The following PDE2A variants were observed in gnomAD, a reference collection of about 807,000 sequenced individuals.
The protein encoded by PDE2A is phosphodiesterase 2A.
A neutral mutation model predicts 133.6 loss-of-function variants in PDE2A; 53 were observed. The ratio of observed to expected loss-of-function variants is 0.40; its 90% CI spans 0.32 to 0.50. The LOEUF (loss-of-function observed/expected upper bound fraction) is 0.50, where lower values mean the gene tolerates loss of function less well. Among genes scored for constraint, PDE2A ranks in the 20% least tolerant of loss-of-function variants. The pLI is 0.73. For missense variants in PDE2A, 796 were observed against 1,232.4 expected (o/e 0.65, Z 5.30); for synonymous variants, 491 against 490.2 (o/e 1.00, Z -0.02).
Position 72,586,134 on chromosome 11 carries a change from G to C in PDE2A, c.1118C>G (p.Thr373Ser), listed in dbSNP as rs1046028417. 6.2e-7 allele frequency: 1 copy of C among 1,613,280 alleles called. No homozygotes were observed. Among genetic ancestry groups the C allele is most frequent in the Non-Finnish European group, 8.5e-7 (1 of 1,179,616 alleles). The stretch of plus-strand genomic sequence containing the variant: ...CAGGGTGCTGGTGAGCACGGTGCTG[G>C]TGTAGTGGAAGCAGTGCTGGATCAC... ...EHVIQHCFHY[T>S]STVLTSTLAF... The change falls in exon 14 of 31, where the codon ACC becomes AGC. Residue 373 changes from threonine (T) to serine (S), a missense_variant. Thr to Ser is a moderately conservative substitution (Grantham distance 58). Around this residue, in one of 7 missense-constraint regions of PDE2A, gnomAD observed 31 missense variants for 70.2 expected, o/e 0.44. Coordinates refer to ENST00000334456, the MANE Select transcript of PDE2A (RefSeq NM_002599.5).
Position 72,590,420 on chromosome 11 carries a change from C to A in PDE2A, c.703+7G>T, listed in dbSNP as rs1439413099. On this transcript the variant is annotated splice_region_variant and intron_variant, in intron 8 of 30. Transcript: ENST00000334456. The surrounding 1 kb of genome is among the most constrained non-coding windows in gnomAD (Gnocchi z 4.8). ...GCCCTCGTGACCTGTCCAGGCCGGG[C>A]CCTCACCGCACAGTTGGAGGATCTT... 1.3e-6 allele frequency: 2 copies of A among 1,573,094 alleles called. No homozygotes were observed. The highest frequency in any genetic ancestry group is 1.7e-6 in the Non-Finnish European group (2 of 1,160,382).
chr11:72,598,269 C>T (rs915747369), intron 4 of PDE2A, among the ~76,000 whole-genome samples: 10 of 152,300 alleles, frequency 6.6e-5, no homozygotes, highest in Admixed American at 6.5e-4. Context: ...AGGATTTGAA[C>T]CCAGGTAGGT....
intron 25 of PDE2A, among the ~76,000 whole-genome samples, chr11:72,580,148 A>G (rs1485683513): frequency 6.6e-6 from 1 of 152,140 alleles, no homozygotes; most frequent in African/African-American, 2.4e-5. Context: ...TGTTGTGGGA[A>G]GTAGCATGAG....
rs1855882720 is a variant in PDE2A, at chr11:72,584,709, G to A, written c.1379C>T (p.Pro460Leu). The A allele has an allele frequency of 6.2e-7, 1 of 1,613,346 alleles. No individual in the cohort carries two copies. Among genetic ancestry groups the A allele is most frequent in the Non-Finnish European group, 8.5e-7 (1 of 1,180,008 alleles). Residue 460 changes from proline to leucine, a missense_variant, in exon 18 of 31, where the codon CCG becomes CTG. Physicochemically the swap from Pro to Leu is moderately conservative, Grantham distance 98. Around this residue, in one of 7 missense-constraint regions of PDE2A, gnomAD observed 218 missense variants for 465.9 expected, o/e 0.47. Transcript: ENST00000334456. ...VDDESYEIRI[P>L]ADQGIAGHVA... ...GTGTCCCGCGATGCCCTGATCGGCCGGGATGCGGATCTCATAGCTCTGCCG... is the reference window on the plus strand; with the variant it reads ...GTGTCCCGCGATGCCCTGATCGGCCAGGATGCGGATCTCATAGCTCTGCCG...
chr11:72,608,620 TG>T, intron 3 of PDE2A, 41 bp downstream of exon 3: 1 of 837,200 alleles, frequency 1.2e-6, no homozygotes, highest in South Asian at 1.4e-5. Context: ...TCAAAGGATT[TG>T]GGGGTGGGGT....
chr11:72,617,193 C>T (rs1284141646), intron 2 of PDE2A, among the ~76,000 whole-genome samples: 1 of 152,218 alleles, frequency 6.6e-6, no homozygotes, highest in African/African-American at 2.4e-5. Flanking sequence ...GACTGGGTCT[C>T]TTATGTCCTC....
At chr11:72,652,478 A>G (rs1160644419) in intron 1 of PDE2A, 2 of 454,728 alleles carry the variant, frequency 4.4e-6, no homozygotes, top group Admixed American at 4.7e-5. Context: ...ATACTCCAGC[A>G]TATGTGAGGT....
rs1473802732 is a variant in PDE2A, at chr11:72,577,337, G to A, written c.*47C>T. ...CCCAGTGCATCTGGCCAGACCAGTGGAGGGCTGTGGGAGGTGGCCTGGGCA... is the reference window on the plus strand; with the variant it reads ...CCCAGTGCATCTGGCCAGACCAGTGAAGGGCTGTGGGAGGTGGCCTGGGCA... On this transcript the variant is annotated 3_prime_UTR_variant, in exon 31 of 31. Transcript: ENST00000334456. 3.4e-6 allele frequency: 5 copies of A among 1,451,680 alleles called. No homozygotes were observed. Among genetic ancestry groups the A allele is most frequent in the Non-Finnish European group, 4.8e-6 (5 of 1,044,506 alleles). The allele number at this position is 1,451,680 out of a possible 1,614,324, so 89.9% of individuals were successfully genotyped here. A position where few individuals can be genotyped will look rare whatever the true frequency, so the allele number is the denominator to read the frequency against.
intron 1 of PDE2A, chr11:72,659,259 T>C (rs1226733825): frequency 6.7e-6 from 1 of 149,268 alleles, no homozygotes; most frequent in African/African-American, 2.5e-5. Flanking sequence ...TACAATCTAG[T>C]GTTGCCGTCC....
At chr11:72,649,299 C>T (rs1454419439) in intron 1 of PDE2A, 1 of 152,284 alleles carries the variant, frequency 6.6e-6, no homozygotes, top group Non-Finnish European at 1.5e-5. Flanking sequence ...AAGACATCTA[C>T]AGACTACAGG....
chr11:72,642,670 C>G, intron 1 of PDE2A, among the ~76,000 whole-genome samples: 1 of 152,052 alleles, frequency 6.6e-6, no homozygotes, highest in South Asian at 2.1e-4. Context: ...CTCGCTGCCC[C>G]TCGCCCCGTC....
chr11:72,632,050 T>G (rs1483965412), intron 2 of PDE2A, among the ~76,000 whole-genome samples: 1 of 152,132 alleles, frequency 6.6e-6, no homozygotes, highest in South Asian at 2.1e-4. Flanking sequence ...GGGAGGGGGA[T>G]GAGACACCCA....
chr11:72,668,584 G>A (rs1012498180), intron 1 of PDE2A, among the ~76,000 whole-genome samples: 1 of 152,260 alleles, frequency 6.6e-6, no homozygotes, highest in Non-Finnish European at 1.5e-5. Context: ...CACCAGGGCC[G>A]GCCCTCGGCC....
chr11:72,581,108 C>A, intron 23 of PDE2A, 135 bp from the exon 24 acceptor site: 1 of 751,902 alleles, frequency 1.3e-6, no homozygotes, highest in Non-Finnish European at 2.3e-6. Flanking sequence ...GGTTCCCTTC[C>A]TGGAAAGAAG....
Position 72,585,326 on chromosome 11 carries a change from A to G in PDE2A, c.1286+45T>C, listed in dbSNP as rs780928025. 4 of 1,535,148 alleles carry G rather than the reference A, an allele frequency of 2.6e-6. No homozygotes were observed. In the Admixed American group the frequency reaches 5.0e-5, roughly 19 times the overall value. ...CAGGAAAGGAGATGATGGGGACTGA[A>G]GGCCACAGCCTCTCTCGCCCTGTCC... On this transcript the variant is annotated intron_variant, in intron 16 of 30. Transcript: ENST00000334456.
At chr11:72,660,496 G>A (rs752180396) in intron 1 of PDE2A, among the ~76,000 whole-genome samples, 2 of 152,148 alleles carry the variant, frequency 1.3e-5, no homozygotes, top group African/African-American at 4.8e-5. Context: ...CTGCTCTCAC[G>A]CAACCTGGAG....
At chr11:72,601,723 G>A (rs1384010943) in intron 4 of PDE2A, among the ~76,000 whole-genome samples, 3 of 152,152 alleles carry the variant, frequency 2.0e-5, no homozygotes, top group African/African-American at 7.2e-5. Context: ...GGGAGATGGA[G>A]GTGGGGCACC....
intron 2 of PDE2A, among the ~76,000 whole-genome samples, chr11:72,620,505 G>A: frequency 6.6e-6 from 1 of 152,140 alleles, no homozygotes; most frequent in East Asian, 1.9e-4. Flanking sequence ...CCAGACTCCT[G>A]TTTCAAGGCC....
intron 24 of PDE2A, 96 bp downstream of exon 24, chr11:72,580,790 G>C: frequency 1.0e-6 from 1 of 978,796 alleles, no homozygotes; most frequent in South Asian, 1.3e-5. Flanking sequence ...CCTGGCTCCT[G>C]GTCTCACTCG....
Sources: gnomAD v4.1 joint callset for allele counts (sites outside exome capture counted in the v4.1 genomes callset) on GRCh38, gnomAD v4.1.1 for gene constraint, gnomAD v4.1.1 regional missense constraint, Gnocchi (gnomAD v3.1) non-coding constraint, MANE v1.5 for transcripts, NCBI Gene and HGNC (gene_info 2026-07-23, HGNC 2026-07-21) for gene names.